GALNT1: variants seen among roughly 807,000 people sequenced by gnomAD.
GALNT1 encodes GalNAc transferase 1.
A neutral mutation model predicts 65.7 loss-of-function variants in GALNT1; 17 were observed. The observed-to-expected ratio is 0.26, with a 90% CI of 0.18 to 0.39. The LOEUF (loss-of-function observed/expected upper bound fraction) is 0.39. Among genes scored for constraint, GALNT1 ranks in the 10% least tolerant of loss-of-function variants. The pLI is 1.00. For synonymous variants in GALNT1, 210 were observed against 219.7 expected, an observed-to-expected ratio of 0.96 and a Z score of 0.39; for missense variants, 460 against 672.8, an observed-to-expected ratio of 0.68 and a Z score of 3.50.
chr18:35,636,783 G>GTTTTT (rs58909585), intron 1 of GALNT1, among the ~76,000 whole-genome samples: 19 of 64,208 alleles, frequency 3.0e-4, no homozygotes, highest in African/African-American at 6.4e-4. Flanking sequence ...ATACTACTTT[G>GTTTTT]TTTTTTTTTT....
upstream of GALNT1, chr18:35,581,663 C>G (rs1442625964): frequency 1.3e-4 from 9 of 71,166 alleles, no homozygotes; most frequent in East Asian, 1.6e-3. Context: ...CCGACCCGAG[C>G]CGGGCGCGGA....
chr18:35,617,306 G>A (rs977107717), intron 1 of GALNT1, among the ~76,000 whole-genome samples: 3 of 152,132 alleles, frequency 2.0e-5, no homozygotes, highest in African/African-American at 7.2e-5. Flanking sequence ...GTGAACAAAT[G>A]TCTACTATAT....
intron 4 of GALNT1, among the ~76,000 whole-genome samples, chr18:35,682,635 G>A (rs1298526893): frequency 6.6e-6 from 1 of 152,004 alleles, no homozygotes; most frequent in African/African-American, 2.4e-5. Context: ...TGTGAACTTT[G>A]GAGGTAAGGT....
chr18:35,671,339 C>T (rs917006677), intron 3 of GALNT1, among the ~76,000 whole-genome samples: 2 of 152,184 alleles, frequency 1.3e-5, no homozygotes, highest in African/African-American at 4.8e-5. Flanking sequence ...ACCTCAGCCT[C>T]CCGAGTAACA....
At chr18:35,640,578 T>G (rs772067402) in intron 1 of GALNT1, among the ~76,000 whole-genome samples, 2 of 152,230 alleles carry the variant, frequency 1.3e-5, no homozygotes, top group Non-Finnish European at 2.9e-5. Flanking sequence ...ATTTTTGGGT[T>G]AAAAAGTTGA....
At chr18:35,609,079 A>G (rs1439117556) in intron 1 of GALNT1, among the ~76,000 whole-genome samples, 1 of 152,206 alleles carries the variant, frequency 6.6e-6, no homozygotes, top group Non-Finnish European at 1.5e-5. Flanking sequence ...AAATCCAGTT[A>G]CCCAGTTTTG....
chr18:35,612,893 T>TC (rs1424904850), intron 1 of GALNT1, among the ~76,000 whole-genome samples: 1 of 151,906 alleles, frequency 6.6e-6, no homozygotes, highest in Non-Finnish European at 1.5e-5. Context: ...TAGGCAGCTC[T>TC]CCATCATACC....
intron 1 of GALNT1, among the ~76,000 whole-genome samples, chr18:35,624,416 C>G (rs2046891404): frequency 1.3e-5 from 2 of 152,114 alleles, no homozygotes; most frequent in African/African-American, 4.8e-5. Flanking sequence ...GTGTGAGTGT[C>G]TCATGCTTTC....
intron 8 of GALNT1, among the ~76,000 whole-genome samples, chr18:35,691,482 T>C (rs186467464): frequency 2.4e-4 from 37 of 152,338 alleles, no homozygotes; most frequent in African/African-American, 7.7e-4. Flanking sequence ...TATTTATTCC[T>C]GTGAAGTTTC....
intron 11 of GALNT1, among the ~76,000 whole-genome samples, chr18:35,707,057 C>T (rs919564530): frequency 2.0e-5 from 3 of 152,114 alleles, no homozygotes; most frequent in Non-Finnish European, 4.4e-5. Flanking sequence ...TCTAGATTCT[C>T]GATCCAGGTT....
chr18:35,604,659 A>G (rs1273823004), intron 1 of GALNT1, among the ~76,000 whole-genome samples: 1 of 152,174 alleles, frequency 6.6e-6, no homozygotes, highest in Non-Finnish European at 1.5e-5. Context: ...CATTTCTCTA[A>G]TGATTAGAGA....
At chr18:35,616,424 G>A (rs753465307) in intron 1 of GALNT1, among the ~76,000 whole-genome samples, 11 of 152,162 alleles carry the variant, frequency 7.2e-5, no homozygotes, top group Non-Finnish European at 1.6e-4. Context: ...CACACAGTAA[G>A]TGCTTGGTAA....
At chr18:35,643,795 CAA>C (rs77572232) in intron 1 of GALNT1, among the ~76,000 whole-genome samples, 8 of 102,594 alleles carry the variant, frequency 7.8e-5, no homozygotes, top group Non-Finnish European at 6.3e-5. Flanking sequence ...GAGACTGACT[CAA>C]AAAAAAAAAA....
At chr18:35,594,443 A>G (rs974928778) in intron 1 of GALNT1, among the ~76,000 whole-genome samples, 6 of 152,076 alleles carry the variant, frequency 3.9e-5, no homozygotes, top group African/African-American at 1.2e-4. Context: ...GAGGGGGTCC[A>G]GGAGAGGAGC....
At chr18:35,626,635 A>T (rs2046920699) in intron 1 of GALNT1, among the ~76,000 whole-genome samples, 1 of 152,206 alleles carries the variant, frequency 6.6e-6, no homozygotes, top group Non-Finnish European at 1.5e-5. Context: ...ATCTTGCATA[A>T]CAAGAAGTTC....
rs1000605154 is a variant in GALNT1, at chr18:35,677,898, A to G, written c.481+141A>G. On this transcript the variant is annotated intron_variant, in intron 4 of 11. Coordinates refer to ENST00000269195, the MANE Select transcript of GALNT1 (RefSeq NM_020474.4). The stretch of plus-strand genomic sequence containing the variant: ...AAATATGGCATTTGGATTCATTCAC[A>G]TATGTAAAAAAGTACACCCTTGTGA... 5 of 599,032 alleles carry G rather than the reference A, an allele frequency of 8.3e-6. No individual in the cohort carries two copies. In the African/African-American group the frequency reaches 9.4e-5, roughly 11 times the overall value. The allele number at this position is 599,032 out of a possible 1,614,324, so 37.1% of individuals were successfully genotyped here. A position where few individuals can be genotyped will look rare whatever the true frequency, so the allele number is the denominator to read the frequency against.
chr18:35,607,462 A>G (rs1320240613), intron 1 of GALNT1, among the ~76,000 whole-genome samples: 3 of 152,220 alleles, frequency 2.0e-5, no homozygotes, highest in East Asian at 3.9e-4. Context: ...CCTTGCATGC[A>G]TGCTGTAGCA....
chr18:35,645,488 C>T (rs986978545), intron 1 of GALNT1, among the ~76,000 whole-genome samples: 1 of 152,002 alleles, frequency 6.6e-6, no homozygotes, highest in African/African-American at 2.4e-5. Context: ...CCGTGGCCTC[C>T]CAAAGTGCTG....
intron 5 of GALNT1, among the ~76,000 whole-genome samples, chr18:35,686,814 G>A (rs1038031148): frequency 6.6e-6 from 1 of 152,164 alleles, no homozygotes; most frequent in Non-Finnish European, 1.5e-5. Context: ...GGAAGCTGAG[G>A]TGGGAAGATC....
Sources: gnomAD v4.1 joint callset for allele counts (sites outside exome capture counted in the v4.1 genomes callset) on GRCh38, gnomAD v4.1.1 for gene constraint, MANE v1.5 for transcripts, NCBI Gene and HGNC (gene_info 2026-07-23, HGNC 2026-07-21) for gene names.